The following SLC9A9 variants were observed in gnomAD, a reference collection of about 807,000 sequenced individuals.
SLC9A9 encodes the protein sodium/hydrogen exchanger 9.
In SLC9A9, 62 loss-of-function variants were observed where a neutral mutation model predicts 77.8. That is an observed-to-expected ratio of 0.80 (90% CI 0.65 to 0.98). The LOEUF (loss-of-function observed/expected upper bound fraction) is 0.98. SLC9A9 is among the 50% of genes least tolerant of loss of function. The pLI, the probability that SLC9A9 is intolerant of heterozygous loss-of-function variation, is 0.00. For missense variants in SLC9A9, 775 were observed against 774.9 expected (o/e 1.00, Z 0.00); for synonymous variants, 320 against 283.5 (o/e 1.13, Z -1.29).
intron 11 of SLC9A9, among the ~76,000 whole-genome samples, chr3:143,477,401 A>G (rs913848945): frequency 2.6e-5 from 3 of 113,440 alleles, no homozygotes; most frequent in African/African-American, 1.0e-4. Context: ...CTCTATTCTG[A>G]GAGTGTCTGA....
At chr3:143,703,412 G>A (rs548802063) in intron 4 of SLC9A9, among the ~76,000 whole-genome samples, 1 of 151,876 alleles carries the variant, frequency 6.6e-6, no homozygotes, top group Admixed American at 6.6e-5. Flanking sequence ...GTAACAAGGA[G>A]AATTTTGGAA....
At position 143,646,396 on chromosome 3, in the gene SLC9A9, G is replaced by A. The variant is rs1297437369; in HGVS notation, c.755+5859C>T. Among the ~76,000 whole-genome samples, 4 of 147,704 alleles carry A rather than the reference G, an allele frequency of 2.7e-5. No homozygotes were observed. In the East Asian group the frequency reaches 7.8e-4, roughly 29 times the overall value. ...TAGGTGCATTTGCACATATAAATTT[G>A]GCTGTGAATTTTTAACCAAGCTAGA... On this transcript the variant is annotated intron_variant, in intron 6 of 15. Transcript: ENST00000316549.
Position 143,266,408 on chromosome 3 carries a change from C to G in SLC9A9, c.*294G>C. The G allele has an allele frequency of 7.3e-6, 4 of 551,638 alleles. No homozygotes were observed. Among genetic ancestry groups the G allele is most frequent in the Non-Finnish European group, 1.3e-5 (4 of 308,380 alleles). The allele number at this position is 551,638 out of a possible 1,614,324, so 34.2% of individuals were successfully genotyped here. ...GCAGAAATGCCCTGAAGACCCAGCA[C>G]AGCTGTCCCATCCTCCAGCAGCTAG... On this transcript the variant is annotated 3_prime_UTR_variant, in exon 16 of 16. Transcript: ENST00000316549.
chr3:143,781,698 T>C (rs2007887416), intron 4 of SLC9A9, among the ~76,000 whole-genome samples: 1 of 152,216 alleles, frequency 6.6e-6, no homozygotes, highest in Non-Finnish European at 1.5e-5. Context: ...ATAAAGATTG[T>C]AGGAACCTAT....
At chr3:143,504,090 C>T (rs2035970765) in intron 9 of SLC9A9, 1 of 501,098 alleles carries the variant, frequency 2.0e-6, no homozygotes, top group South Asian at 1.5e-5. Context: ...CGTTCTCAGC[C>T]TTGATGGTAC....
chr3:143,512,760 C>T (rs916590069), intron 9 of SLC9A9, among the ~76,000 whole-genome samples: 26 of 152,062 alleles, frequency 1.7e-4, no homozygotes, highest in African/African-American at 6.3e-4. Flanking sequence ...CCTGTAAGTC[C>T]AGCTACTTGG....
chr3:143,563,254 T>C, intron 8 of SLC9A9, among the ~76,000 whole-genome samples: 1 of 152,164 alleles, frequency 6.6e-6, no homozygotes, highest in East Asian at 1.9e-4. Context: ...TCCAGAGAGA[T>C]CAATTTTCAG....
chr3:143,640,469 T>C (rs1043359657), intron 6 of SLC9A9, among the ~76,000 whole-genome samples: 1 of 152,146 alleles, frequency 6.6e-6, no homozygotes, highest in Non-Finnish European at 1.5e-5. Flanking sequence ...ACTAGAGAGA[T>C]AACATTTCAA....
intron 6 of SLC9A9, among the ~76,000 whole-genome samples, chr3:143,588,182 T>C (rs1463639923): frequency 6.6e-6 from 1 of 152,198 alleles, no homozygotes; most frequent in Non-Finnish European, 1.5e-5. Context: ...GCCAGGGTGC[T>C]GTGGAGGAAA....
intron 6 of SLC9A9, among the ~76,000 whole-genome samples, chr3:143,634,939 G>A (rs1560005198): frequency 6.6e-6 from 1 of 151,964 alleles, no homozygotes; most frequent in African/African-American, 2.4e-5. Flanking sequence ...GTGAAATAGG[G>A]TAGAGTAAGC....
chr3:143,370,318 G>T (rs995964791), intron 13 of SLC9A9, among the ~76,000 whole-genome samples: 8 of 151,940 alleles, frequency 5.3e-5, no homozygotes, highest in African/African-American at 1.7e-4. Context: ...TAACATTTGT[G>T]GTATAGAAGA....
At chr3:143,347,103 C>T (rs2032303663) in intron 14 of SLC9A9, 1 of 152,134 alleles carries the variant, frequency 6.6e-6, no homozygotes. Context: ...TGGTAGGAGA[C>T]ATACACTGAA....
intron 6 of SLC9A9, among the ~76,000 whole-genome samples, chr3:143,612,674 C>T (rs895958887): frequency 3.3e-5 from 5 of 152,256 alleles, no homozygotes; most frequent in South Asian, 2.1e-4. Flanking sequence ...TAGTCTGAGC[C>T]GATTTGAAAT....
intron 11 of SLC9A9, among the ~76,000 whole-genome samples, chr3:143,470,661 AACTTTGTGTCTCTGTGACAAAG>A (rs2035362994): frequency 6.6e-6 from 1 of 152,152 alleles, no homozygotes; most frequent in African/African-American, 2.4e-5. Flanking sequence ...GTAGTTTTTT[AACTTTGTGTCTCTGTGACAAAG>A]ACGAGAAACT....
At chr3:143,333,404 C>T (rs2031832873) in intron 14 of SLC9A9, among the ~76,000 whole-genome samples, 1 of 152,222 alleles carries the variant, frequency 6.6e-6, no homozygotes. Context: ...AAAACTAGTA[C>T]TAGCAATAGT....
chr3:143,306,238 C>T lies in SLC9A9; in HGVS notation c.1605-37258G>A, dbSNP rs184123947. ...GAGGTTTGTTGGCAGAAGGTTGAGG[C>T]CTCCCCAGAGGACCTGGCCCTTTCT... On this transcript the variant is annotated intron_variant, in intron 14 of 15. Transcript: ENST00000316549. Among the ~76,000 whole-genome samples the T allele has an allele frequency of 1.8e-4, 27 of 152,294 alleles. No individual in the cohort carries two copies. The East Asian group carries it at 5.0e-3, about 28-fold the overall frequency.
intron 4 of SLC9A9, among the ~76,000 whole-genome samples, chr3:143,743,241 GGATA>G (rs71140453): frequency 0.14 from 17,940 of 132,256 alleles, 1,298 homozygotes; most frequent in Middle Eastern, 0.19. Flanking sequence ...ATGGATGGAT[GGATA>G]GATAGATAGA....
At chr3:143,724,790 C>T (rs765283462) in intron 4 of SLC9A9, among the ~76,000 whole-genome samples, 20 of 152,118 alleles carry the variant, frequency 1.3e-4, no homozygotes, top group Non-Finnish European at 2.5e-4. Flanking sequence ...AGACATTTTA[C>T]CTACCACAGA....
chr3:143,650,523 C>T (rs1389827262), intron 6 of SLC9A9, among the ~76,000 whole-genome samples: 1 of 152,180 alleles, frequency 6.6e-6, no homozygotes. Flanking sequence ...CATGGCAGAG[C>T]TATGGACCAC....
Sources: gnomAD v4.1 joint callset for allele counts (sites outside exome capture counted in the v4.1 genomes callset) on GRCh38, gnomAD v4.1.1 for gene constraint, MANE v1.5 for transcripts, NCBI Gene and HGNC (gene_info 2026-07-23, HGNC 2026-07-21) for gene names.